Variants in ATP8B1 observed in about 807,000 individuals in gnomAD.
ATP8B1 encodes phospholipid-transporting ATPase IC.
ATP8B1 carries 80 observed loss-of-function variants against 149.9 expected under a neutral mutation model. The observed-to-expected ratio is 0.53, with a 90% CI of 0.45 to 0.64. The LOEUF (loss-of-function observed/expected upper bound fraction) is 0.64, where lower values mean the gene tolerates loss of function less well. Among genes scored for constraint, ATP8B1 ranks in the 30% least tolerant of loss-of-function variants. The pLI is 0.00. For missense variants in ATP8B1, 1,247 were observed against 1,552.6 expected (o/e 0.80, Z 3.31); for synonymous variants, 536 against 562.8 (o/e 0.95, Z 0.67).
At chr18:57,730,477 T>C (rs180885029) in intron 2 of ATP8B1, among the ~76,000 whole-genome samples, 1 of 152,244 alleles carries the variant, frequency 6.6e-6, no homozygotes, top group African/African-American at 2.4e-5. Flanking sequence ...CAGCCTGATA[T>C]CAAATCTGGG....
intron 16 of ATP8B1, among the ~76,000 whole-genome samples, chr18:57,672,322 A>C (rs12965389): frequency 0.012 from 1,787 of 152,288 alleles, 14 homozygotes; most frequent in Non-Finnish European, 0.02. Flanking sequence ...TTTTTGATTA[A>C]TGCAATAATT....
chr18:57,757,778 A>G (rs555577209), intron 1 of ATP8B1, among the ~76,000 whole-genome samples: 129 of 152,324 alleles, frequency 8.5e-4, no homozygotes, highest in African/African-American at 3.0e-3. Flanking sequence ...TACATAAAGT[A>G]TATCGTAAGA....
Position 57,745,849 on chromosome 18 carries a change from C to T in ATP8B1, c.-25-14017G>A, listed in dbSNP as rs186058115. Among the ~76,000 whole-genome samples, 364 of 151,850 alleles carry T rather than the reference C, an allele frequency of 2.4e-3. 1 individual carries two copies. The highest frequency in any genetic ancestry group is 3.5e-3 in the Non-Finnish European group (237 of 67,934). On this transcript the variant is annotated intron_variant, in intron 1 of 27. Transcript: ENST00000648908. The stretch of plus-strand genomic sequence containing the variant: ...TATTTTGAGAAAATTTTTGTAAAGA[C>T]GAGGTTTCACTACATTGCCCAGGCT...
chr18:57,746,356 A>G (rs2079963330), intron 1 of ATP8B1, among the ~76,000 whole-genome samples: 1 of 150,992 alleles, frequency 6.6e-6, no homozygotes, highest in Non-Finnish European at 1.5e-5. Flanking sequence ...TCACATATTG[A>G]GGTTTCAACC....
intron 1 of ATP8B1, among the ~76,000 whole-genome samples, chr18:57,800,887 A>G (rs1481026228): frequency 6.6e-6 from 1 of 152,244 alleles, no homozygotes; most frequent in Non-Finnish European, 1.5e-5. Flanking sequence ...AAGGAAAAGA[A>G]CATTCTACAG....
rs11152024 is a variant in ATP8B1 at position 57,648,205 on chromosome 18, C to T, written c.*283G>A. 49,497 of 519,510 alleles carry T rather than the reference C, an allele frequency of 0.095. 4,027 individuals are homozygous for T. Among genetic ancestry groups the T allele is most frequent in the East Asian group, 0.36 (10,310 of 28,378 alleles). The allele number at this position is 519,510 out of a possible 1,614,324, so 32.2% of individuals were successfully genotyped here. ...TTCACCATGTTGGCTGGGCTGGTCTCGAACTCCTGGCCTCAGGTGATCTCC... is the reference window on the plus strand; with the variant it reads ...TTCACCATGTTGGCTGGGCTGGTCTTGAACTCCTGGCCTCAGGTGATCTCC... On this transcript the variant is annotated 3_prime_UTR_variant, in exon 28 of 28. Coordinates refer to ENST00000648908, the MANE Select transcript of ATP8B1 (RefSeq NM_001374385.1).
chr18:57,772,924 TGAA>T (rs2080275692), intron 1 of ATP8B1, among the ~76,000 whole-genome samples: 1 of 151,928 alleles, frequency 6.6e-6, no homozygotes, highest in Non-Finnish European at 1.5e-5. Context: ...CTCAACAACA[TGAA>T]CTGTTTTAAT....
In ATP8B1 at chr18:57,765,673, GAA is replaced by G. The variant is rs75577653; in HGVS notation, c.-25-33843_-25-33842del. On this transcript the variant is annotated intron_variant, in intron 1 of 27. Coordinates refer to ENST00000648908, the MANE Select transcript of ATP8B1 (RefSeq NM_001374385.1). The stretch of plus-strand genomic sequence containing the variant: ...GACAGAGTGAGACTCTGTCTCAAAA[GAA>G]AAAAAAAAAAAAAGGTTAAGGTCAA... Among the ~76,000 whole-genome samples the G allele has an allele frequency of 1.5e-3, 150 of 96,876 alleles. 1 individual carries two copies. Among genetic ancestry groups the G allele is most frequent in the African/African-American group, 4.7e-3 (142 of 29,934 alleles). The allele number at this position is 96,876 out of a possible 152,430, so 63.6% of individuals were successfully genotyped here. A position where few individuals can be genotyped will look rare whatever the true frequency, so the allele number is the denominator to read the frequency against.
intron 1 of ATP8B1, among the ~76,000 whole-genome samples, chr18:57,794,656 G>A (rs781256022): frequency 3.3e-5 from 5 of 151,930 alleles, no homozygotes; most frequent in African/African-American, 9.7e-5. Flanking sequence ...ATGGTGGTGC[G>A]TGCCTGTAAT....
intron 1 of ATP8B1, among the ~76,000 whole-genome samples, chr18:57,772,124 T>G (rs1219646955): frequency 6.6e-6 from 1 of 152,204 alleles, no homozygotes; most frequent in African/African-American, 2.4e-5. Flanking sequence ...CAGTGCTTTA[T>G]AAAAGAGCTA....
chr18:57,764,536 A>G (rs1405823199), intron 1 of ATP8B1, among the ~76,000 whole-genome samples: 1 of 151,542 alleles, frequency 6.6e-6, no homozygotes, highest in Non-Finnish European at 1.5e-5. Flanking sequence ...CTCCTGCCTC[A>G]GCCTCCTCAG....
chr18:57,685,288 A>AT (rs1215935202), intron 13 of ATP8B1, among the ~76,000 whole-genome samples, 173 bp from the exon 14 acceptor site: 1 of 152,134 alleles, frequency 6.6e-6, no homozygotes, highest in Non-Finnish European at 1.5e-5. Flanking sequence ...TGGTCTAGAT[A>AT]TTCAAATACC....
intron 27 of ATP8B1, among the ~76,000 whole-genome samples, chr18:57,649,190 A>ATCTATCTATCTATC (rs1909427425): frequency 2.7e-5 from 4 of 148,096 alleles, no homozygotes; most frequent in South Asian, 4.3e-4. Context: ...GTGCTTGGCT[A>ATCTATCTATCTATC]TATCTATCTA....
At chr18:57,670,355 C>CTTTT in intron 17 of ATP8B1, among the ~76,000 whole-genome samples, 1 of 139,696 alleles carries the variant, frequency 7.2e-6, no homozygotes, top group Non-Finnish European at 1.6e-5. Context: ...TTTTCTTTTT[C>CTTTT]TTTTTTTTTT....
intron 14 of ATP8B1, among the ~76,000 whole-genome samples, chr18:57,684,429 TG>T (rs767490315): frequency 5.5e-4 from 83 of 151,082 alleles, no homozygotes; most frequent in Non-Finnish European, 9.3e-4. Flanking sequence ...CGGGCTGGAG[TG>T]CAGTGGCTTG....
chr18:57,757,520 T>C (rs1189477122), intron 1 of ATP8B1, among the ~76,000 whole-genome samples: 5 of 129,230 alleles, frequency 3.9e-5, no homozygotes, highest in African/African-American at 1.4e-4. Flanking sequence ...CACACACACA[T>C]ACATATACAC....
intron 1 of ATP8B1, among the ~76,000 whole-genome samples, chr18:57,799,219 C>A (rs34850933): frequency 6.6e-6 from 1 of 152,146 alleles, no homozygotes; most frequent in African/African-American, 2.4e-5. Flanking sequence ...CGTTCCAACC[C>A]AGGTCAAAAG....
intron 4 of ATP8B1, among the ~76,000 whole-genome samples, chr18:57,701,797 G>A (rs984462194): frequency 8.6e-5 from 13 of 151,826 alleles, no homozygotes; most frequent in Non-Finnish European, 1.5e-4. Context: ...CCAGGCTCAA[G>A]CGATTCTCCT....
intron 1 of ATP8B1, among the ~76,000 whole-genome samples, chr18:57,759,548 G>C (rs1315139689): frequency 6.6e-6 from 1 of 152,004 alleles, no homozygotes; most frequent in Non-Finnish European, 1.5e-5. Context: ...GGTGGCTCAC[G>C]CCTGTAATCC....
Sources: allele counts gnomAD v4.1 joint callset (sites outside exome capture counted in the v4.1 genomes callset), GRCh38; gene constraint gnomAD v4.1.1; transcripts MANE v1.5; gene names NCBI Gene and HGNC (gene_info 2026-07-23, HGNC 2026-07-21).